The following WDPCP variants were observed in gnomAD, a reference collection of about 807,000 sequenced individuals.
WDPCP encodes WD repeat-containing and planar cell polarity effector protein fritz homolog.
Under a neutral mutation model 93.1 loss-of-function variants are expected in WDPCP, and 71 were observed. That is an observed-to-expected ratio of 0.76 (90% CI 0.63 to 0.93). WDPCP has a LOEUF of 0.93. Among genes scored for constraint, WDPCP ranks in the 40% least tolerant of loss-of-function variants. WDPCP has a pLI of 0.00. For missense variants in WDPCP, 844 were observed against 887.4 expected, an observed-to-expected ratio of 0.95 and a Z score of 0.62; for synonymous variants, 315 against 315.0, an observed-to-expected ratio of 1.00 and a Z score of 0.00.
At chr2:63,772,241 T>C (rs11125985) in intron 2 of WDPCP, among the ~76,000 whole-genome samples, 34,296 of 152,030 alleles carry the variant, frequency 0.23, 5,200 homozygotes, top group East Asian at 0.76. Flanking sequence ...TGATGTGAGA[T>C]GGCATCTCAT....
intron 17 of WDPCP, among the ~76,000 whole-genome samples, chr2:63,136,885 T>C (rs1670658488): frequency 6.6e-6 from 1 of 152,168 alleles, no homozygotes; most frequent in African/African-American, 2.4e-5. Context: ...GAATGGGACA[T>C]GATCTTGTTC....
intron 14 of WDPCP, among the ~76,000 whole-genome samples, chr2:63,191,396 GAAAAA>G (rs1365509243): frequency 6.6e-6 from 1 of 151,282 alleles, no homozygotes; most frequent in Non-Finnish European, 1.5e-5. Context: ...CATCTCAAAA[GAAAAA>G]AAAGAAAAAA....
chr2:63,679,255 T>C (rs779820928), intron 2 of WDPCP, among the ~76,000 whole-genome samples: 1 of 152,096 alleles, frequency 6.6e-6, no homozygotes, highest in Non-Finnish European at 1.5e-5. Flanking sequence ...GCTTGAGTGA[T>C]TTTTATTCCT....
chr2:63,517,020 T>C (rs1283188105), intron 1 of WDPCP, among the ~76,000 whole-genome samples: 2 of 152,180 alleles, frequency 1.3e-5, no homozygotes, highest in Non-Finnish European at 2.9e-5. Context: ...TCTATCTCAC[T>C]ATCCGTCACC....
At chr2:63,789,309 AT>A (rs1267147329) in intron 2 of WDPCP, among the ~76,000 whole-genome samples, 3 of 151,760 alleles carry the variant, frequency 2.0e-5, no homozygotes, top group South Asian at 2.1e-4. Flanking sequence ...GCAATTAAGT[AT>A]TTTTTTTCTT....
At chr2:63,555,070 G>A (rs1292510341) in intron 1 of WDPCP, among the ~76,000 whole-genome samples, 1 of 152,236 alleles carries the variant, frequency 6.6e-6, no homozygotes. Flanking sequence ...CACTTGGCTG[G>A]AGACTGCCTA....
At chr2:63,701,576 T>C (rs79485511) in intron 2 of WDPCP, among the ~76,000 whole-genome samples, 7,931 of 152,294 alleles carry the variant, frequency 0.052, 841 homozygotes, top group East Asian at 0.5. Context: ...CTATTCATAA[T>C]AGCCAAAATA....
chr2:63,600,566 T>C (rs577576672), intron 3 of WDPCP, among the ~76,000 whole-genome samples: 2 of 152,354 alleles, frequency 1.3e-5, no homozygotes, highest in East Asian at 3.9e-4. Context: ...ATAAGATCTG[T>C]TTTAAGCCCT....
chr2:63,731,036 C>T (rs1669553187), intron 2 of WDPCP, among the ~76,000 whole-genome samples: 2 of 151,868 alleles, frequency 1.3e-5, no homozygotes, highest in Non-Finnish European at 2.9e-5. Flanking sequence ...TTTGGGAGGC[C>T]GAGGCGGGCG....
chr2:63,456,976 C>T (rs1381157015), intron 6 of WDPCP, among the ~76,000 whole-genome samples: 3 of 151,916 alleles, frequency 2.0e-5, no homozygotes, highest in African/African-American at 4.8e-5. Context: ...TGCAGTGAGC[C>T]GAGGTTGCTC....
At chr2:63,622,382 C>G in intron 3 of WDPCP, 2 of 1,611,002 alleles carry the variant, frequency 1.2e-6, no homozygotes, top group Non-Finnish European at 8.5e-7. Flanking sequence ...TGCTTTTGAA[C>G]TGGGCAAGAC....
At chr2:63,817,348 T>C (rs751738669) in intron 1 of WDPCP, among the ~76,000 whole-genome samples, 20 of 152,144 alleles carry the variant, frequency 1.3e-4, no homozygotes, top group Non-Finnish European at 2.5e-4. Flanking sequence ...GACCTCATGA[T>C]CCACCTGTCT....
intron 3 of WDPCP, among the ~76,000 whole-genome samples, chr2:63,595,238 T>C (rs1349886705): frequency 6.6e-6 from 1 of 152,166 alleles, no homozygotes; most frequent in African/African-American, 2.4e-5. Context: ...CCAATGCTGG[T>C]TTTATAGCAT....
intron 2 of WDPCP, among the ~76,000 whole-genome samples, chr2:63,786,952 A>G (rs1326208481): frequency 2.0e-5 from 3 of 152,212 alleles, no homozygotes; most frequent in African/African-American, 7.2e-5. Context: ...CAGTCAATAA[A>G]TATATGTCAA....
chr2:63,795,162 G>A (rs1670594826), intron 2 of WDPCP, among the ~76,000 whole-genome samples: 1 of 152,138 alleles, frequency 6.6e-6, no homozygotes, highest in Non-Finnish European at 1.5e-5. Context: ...TAACCTAAAT[G>A]ATAAAGAATT....
chr2:63,268,491 G>T (rs1682350061), intron 13 of WDPCP, among the ~76,000 whole-genome samples: 1 of 151,912 alleles, frequency 6.6e-6, no homozygotes, highest in African/African-American at 2.4e-5. Flanking sequence ...TTGTAAAACA[G>T]GATCTCACTC....
intron 8 of WDPCP, among the ~76,000 whole-genome samples, chr2:63,434,567 G>A (rs959770197): frequency 1.8e-4 from 27 of 151,938 alleles, no homozygotes; most frequent in Non-Finnish European, 5.9e-5. Flanking sequence ...ACATAAGCAC[G>A]GCACCATCTG....
At chr2:63,253,207 T>G (rs1680883704) in intron 14 of WDPCP, among the ~76,000 whole-genome samples, 1 of 152,102 alleles carries the variant, frequency 6.6e-6, no homozygotes, top group Admixed American at 6.6e-5. Flanking sequence ...GCTAGCCATA[T>G]CTTTTCACCA....
intron 2 of WDPCP, among the ~76,000 whole-genome samples, chr2:63,680,512 C>T (rs972710888): frequency 6.6e-6 from 1 of 152,206 alleles, no homozygotes; most frequent in Non-Finnish European, 1.5e-5. Context: ...CAGCCCTGGC[C>T]AGAAGGGAAT....
Sources: gnomAD v4.1 joint callset for allele counts (sites outside exome capture counted in the v4.1 genomes callset) on GRCh38, gnomAD v4.1.1 for gene constraint, MANE v1.5 for transcripts, NCBI Gene and HGNC (gene_info 2026-07-23, HGNC 2026-07-21) for gene names.